Variants in NDUFAF6 observed in about 807,000 individuals in gnomAD.
NDUFAF6 encodes the protein NADH dehydrogenase (ubiquinone) complex I, assembly factor 6.
A neutral mutation model predicts 40.8 loss-of-function variants in NDUFAF6; 45 were observed. That is an observed-to-expected ratio of 1.10 (90% CI 0.87 to 1.42). NDUFAF6 has a LOEUF of 1.42. Ranked by LOEUF, NDUFAF6 falls within the 40% of genes most tolerant of loss-of-function variation. NDUFAF6 has a pLI of 0.00. For missense variants in NDUFAF6, 435 were observed against 418.5 expected (o/e 1.04, Z -0.34); for synonymous variants, 185 against 155.9 (o/e 1.19, Z -1.39).
In NDUFAF6 at chr8:95,108,580, AATG is replaced by A. The variant is rs1289677681; in HGVS notation, n.344+5570_344+5572del. 2.0e-5 allele frequency among the ~76,000 whole-genome samples: 3 copies of A among 152,178 alleles called. No individual in the cohort carries two copies. The East Asian group carries it at 5.8e-4, about 29-fold the overall frequency. On this transcript the variant is annotated intron_variant and non_coding_transcript_variant, in intron 4 of 5. Transcript: ENST00000523184. ...AGGGACAAATTGGGAGTTATTGTTT[AATG>A]GGTAGAAAGTTTCTGCTTGGGATGA...
At position 94,920,268 on chromosome 8, in the gene NDUFAF6, A is replaced by G. The variant is rs1396755641; in HGVS notation, c.-936+24341A>G. Among the ~76,000 whole-genome samples, 3 of 152,198 alleles carry G rather than the reference A, an allele frequency of 2.0e-5. No individual in the cohort carries two copies. In the East Asian group the frequency reaches 5.8e-4, roughly 29 times the overall value. On this transcript the variant is annotated intron_variant, in intron 1 of 14. Coordinates refer to the NDUFAF6 transcript ENST00000396113. ...AGGTGTCTTAGTTCATTCCTGCCCT[A>G]TAACACAATAGACTGGTAATTTATA...
intron 1 of NDUFAF6, chr8:94,930,391 A>G: frequency 6.5e-7 from 1 of 1,542,180 alleles, no homozygotes; most frequent in Non-Finnish European, 8.8e-7. Context: ...AATTGGTTGT[A>G]AAGAGACAAC....
At chr8:95,062,674 T>C (rs11779506), downstream of NDUFAF6, among the ~76,000 whole-genome samples, 19,526 of 152,264 alleles carry the variant, frequency 0.13, 1,546 homozygotes, top group Middle Eastern at 0.24. Context: ...AATTTGAGGC[T>C]GACTTCACAA....
chr8:95,113,762 T>C (rs923790597), intron 4 of NDUFAF6, among the ~76,000 whole-genome samples: 5 of 152,114 alleles, frequency 3.3e-5, no homozygotes, highest in South Asian at 2.1e-4. Context: ...AAGAATCACA[T>C]GAACCCGGGA....
chr8:94,900,498 A>G (rs1817945692), intron 1 of NDUFAF6, among the ~76,000 whole-genome samples: 1 of 152,090 alleles, frequency 6.6e-6, no homozygotes, highest in Non-Finnish European at 1.5e-5. Flanking sequence ...GGCATTGTAG[A>G]TTGTGAGACG....
chr8:94,916,902 C>CA (rs1819170345), intron 1 of NDUFAF6, among the ~76,000 whole-genome samples: 1 of 150,374 alleles, frequency 6.7e-6, no homozygotes, highest in African/African-American at 2.4e-5. Context: ...ATCACGAGGT[C>CA]AGGAGATCAA....
chr8:94,986,715 C>A (rs1236138447), intron 2 of NDUFAF6, among the ~76,000 whole-genome samples: 1 of 152,200 alleles, frequency 6.6e-6, no homozygotes, highest in Non-Finnish European at 1.5e-5. Flanking sequence ...TCATTCTAGT[C>A]ACTTCAAAAC....
chr8:95,077,295 A>G (rs1040549934), downstream of NDUFAF6, among the ~76,000 whole-genome samples: 1 of 152,220 alleles, frequency 6.6e-6, no homozygotes, highest in Admixed American at 6.5e-5. Flanking sequence ...AGAAGCAAGA[A>G]CAACACAGCC....
chr8:94,911,807 G>A (rs138099853), intron 1 of NDUFAF6, among the ~76,000 whole-genome samples: 15 of 152,308 alleles, frequency 9.8e-5, no homozygotes, highest in Non-Finnish European at 1.5e-4. Context: ...GCTTTGGCAC[G>A]TTAGTGAGGA....
At chr8:95,107,203 G>A (rs147613672), downstream of NDUFAF6, among the ~76,000 whole-genome samples, 2 of 152,204 alleles carry the variant, frequency 1.3e-5, no homozygotes, top group East Asian at 3.9e-4. Context: ...TTGCAGCACT[G>A]TTCACAATAG....
exon 10 of NDUFAF6, chr8:95,075,821 A>T: frequency 1.7e-6 from 1 of 576,554 alleles, no homozygotes; most frequent in South Asian, 1.6e-5. Flanking sequence ...GAACACGCAC[A>T]CACTTCTCCT....
At chr8:94,903,595 C>G (rs1222074887) in intron 1 of NDUFAF6, among the ~76,000 whole-genome samples, 1 of 152,124 alleles carries the variant, frequency 6.6e-6, no homozygotes, top group Non-Finnish European at 1.5e-5. Context: ...ACCAAAGTAG[C>G]CATCAATTTC....
At chr8:94,946,696 C>CAAAAAAAAAAAAAGAAAAAAAAAAAAAAA (rs1822029746) in intron 2 of NDUFAF6, among the ~76,000 whole-genome samples, 1 of 34,688 alleles carries the variant, frequency 2.9e-5, no homozygotes, top group Non-Finnish European at 5.3e-5. Flanking sequence ...GACCCTGTCT[C>CAAAAAAAAAAAAAGAAAAAAAAAAAAAAA]AAAAAAAAAA....
intron 2 of NDUFAF6, among the ~76,000 whole-genome samples, chr8:94,994,929 T>C (rs991583372): frequency 2.6e-5 from 4 of 152,236 alleles, no homozygotes; most frequent in African/African-American, 9.6e-5. Context: ...ACATGAAGCT[T>C]CCTCAAAAAA....
At chr8:95,099,164 C>T (rs1809573714), upstream of NDUFAF6, among the ~76,000 whole-genome samples, 1 of 151,954 alleles carries the variant, frequency 6.6e-6, no homozygotes, top group Non-Finnish European at 1.5e-5. Context: ...TGCTTGATCC[C>T]AGGATGTTGA....
chr8:95,056,666 G>A (rs903476511), intron 8 of NDUFAF6, among the ~76,000 whole-genome samples: 1 of 152,002 alleles, frequency 6.6e-6, no homozygotes, highest in Non-Finnish European at 1.5e-5. Context: ...CAGTACTTTG[G>A]GAGGCCGAGG....
At chr8:95,044,058 T>G (rs1354819960) in intron 4 of NDUFAF6, among the ~76,000 whole-genome samples, 1 of 152,226 alleles carries the variant, frequency 6.6e-6, no homozygotes, top group African/African-American at 2.4e-5. Flanking sequence ...CATAATTTAT[T>G]CAACTAAAAA....
At chr8:95,109,666 C>T (rs559796472) in intron 4 of NDUFAF6, among the ~76,000 whole-genome samples, 83 of 152,066 alleles carry the variant, frequency 5.5e-4, no homozygotes, top group African/African-American at 2.0e-3. Flanking sequence ...TTCTCATGAC[C>T]CCATATCACT....
At chr8:95,065,532 A>T (rs1832683015) in intron 9 of NDUFAF6, among the ~76,000 whole-genome samples, 1 of 150,562 alleles carries the variant, frequency 6.6e-6, no homozygotes, top group South Asian at 2.1e-4. Flanking sequence ...TGTAGAAAAG[A>T]AGAGATTAGA....
Sources: allele counts gnomAD v4.1 joint callset (sites outside exome capture counted in the v4.1 genomes callset), GRCh38; gene constraint gnomAD v4.1.1; transcripts MANE v1.5; gene names NCBI Gene and HGNC (gene_info 2026-07-23, HGNC 2026-07-21).